AGAP1: variants seen among roughly 807,000 people sequenced by gnomAD.
AGAP1 encodes the protein ArfGAP with GTPase domain, ankyrin repeat and PH domain 1, also known as arf-GAP with GTPase, ANK repeat and PH domain-containing protein 1.
Under a neutral mutation model 105.3 loss-of-function variants are expected in AGAP1, and 29 were observed. That is an observed-to-expected ratio of 0.28 (90% CI 0.21 to 0.38). The LOEUF is 0.38. AGAP1 is among the 10% of genes least tolerant of loss of function. The pLI is 1.00. For missense variants in AGAP1, 998 were observed against 1,165.1 expected (o/e 0.86, Z 2.09); for synonymous variants, 509 against 485.9 (o/e 1.05, Z -0.63).
rs890460394 is a variant in AGAP1 at position 236,056,507 on chromosome 2, G to A, written c.2114+7226G>A. On this transcript the variant is annotated intron_variant, in intron 16 of 17. Coordinates refer to ENST00000304032, the MANE Select transcript of AGAP1 (RefSeq NM_001037131.3). The surrounding 1 kb of genome is among the most constrained non-coding windows in gnomAD (Gnocchi z 4.6). ...ACCACGTTCAAGCCTGTGTCTACTT[G>A]TGGGAGTGTATGAAGGAATGGAATG... 6.6e-6 allele frequency among the ~76,000 whole-genome samples: 1 copy of A among 152,222 alleles called. No individual in the cohort carries two copies. The highest frequency in any genetic ancestry group is 1.5e-5 in the Non-Finnish European group (1 of 68,042).
intron 10 of AGAP1, among the ~76,000 whole-genome samples, chr2:235,896,509 G>A (rs1445182513): frequency 1.3e-5 from 2 of 152,188 alleles, no homozygotes; most frequent in Non-Finnish European, 2.9e-5. Flanking sequence ...CCAGCACTCT[G>A]GTCATGGTAC....
In AGAP1 at chr2:235,557,274, C is replaced by T. The variant is rs796704975; in HGVS notation, c.163+62425C>T. ...GAGCTGGGCTGGCCATGGGGATGCT[C>T]AGAGCCCGGCTCTTTCATGGGATCA... On this transcript the variant is annotated intron_variant, in intron 1 of 17. Transcript: ENST00000304032. This position sits in a 1 kb window ranked among gnomAD's most constrained non-coding sequence, Gnocchi z 4.7. 5.3e-5 allele frequency among the ~76,000 whole-genome samples: 8 copies of T among 152,262 alleles called. No individual in the cohort carries two copies. The highest frequency in any genetic ancestry group is 1.3e-4 in the Admixed American group (2 of 15,292).
rs1485195963 is a variant in AGAP1 at position 235,739,915 on chromosome 2, GCTCTGGCAGCATTGTC to G, written c.311-1041_311-1026del. ...AGTGGAGCTGGCAGGCAGCCTCTGGGCTCTGGCAGCATTGTCCTCTGGGTCCAGCGATTTGGGGTTT... is the reference window on the plus strand; with the variant it reads ...AGTGGAGCTGGCAGGCAGCCTCTGGGCTCTGGGTCCAGCGATTTGGGGTTT... On this transcript the variant is annotated intron_variant, in intron 3 of 17. Transcript: ENST00000304032. The surrounding 1 kb of genome is among the most constrained non-coding windows in gnomAD (Gnocchi z 5.3). Among the ~76,000 whole-genome samples the G allele has an allele frequency of 6.6e-6, 1 of 152,234 alleles. No homozygotes were observed. Among genetic ancestry groups the G allele is most frequent in the Non-Finnish European group, 1.5e-5 (1 of 68,040 alleles).
At chr2:235,666,625 A>G (rs1948135633) in intron 1 of AGAP1, among the ~76,000 whole-genome samples, 2 of 151,300 alleles carry the variant, frequency 1.3e-5, no homozygotes, top group Admixed American at 6.6e-5. Flanking sequence ...AGTCAGTGTC[A>G]TCTAAGGTGG....
chr2:235,866,788 C>T lies in AGAP1; in HGVS notation c.1051-16557C>T, dbSNP rs2049190829. Among the ~76,000 whole-genome samples, 2 of 152,294 alleles carry T rather than the reference C, an allele frequency of 1.3e-5. No homozygotes were observed. Among genetic ancestry groups the T allele is most frequent in the South Asian group, 4.1e-4 (2 of 4,830 alleles). On this transcript the variant is annotated intron_variant, in intron 9 of 17. Transcript: ENST00000304032. This position sits in a 1 kb window ranked among gnomAD's most constrained non-coding sequence, Gnocchi z 6.1. ...TTGGCTTGCAGACAGCCATCTTCTC[C>T]CTGTGTCTTCACGTGGTCTTTCTCC...
chr2:235,589,793 A>C (rs927969006), intron 1 of AGAP1, among the ~76,000 whole-genome samples: 7 of 151,980 alleles, frequency 4.6e-5, no homozygotes, highest in African/African-American at 1.7e-4. Context: ...ACTCACTCTG[A>C]GTTGGGGTAG....
At position 236,014,770 on chromosome 2, in the gene AGAP1, T is replaced by G. The variant is rs1055032522; in HGVS notation, c.1646-21791T>G. On this transcript the variant is annotated intron_variant, in intron 13 of 17. Transcript: ENST00000304032. The surrounding 1 kb of genome is among the most constrained non-coding windows in gnomAD (Gnocchi z 6.3). ...TTCTTTTCCTTTTTGTTTTCTCTCT[T>G]TTTCCCCTCTCCCCTTTCTGCTCTC... 16 of 422,096 alleles carry G rather than the reference T, an allele frequency of 3.8e-5. No individual in the cohort carries two copies. The highest frequency in any genetic ancestry group is 7.6e-5 in the Non-Finnish European group (16 of 210,464). The allele number at this position is 422,096 out of a possible 1,614,324, so 26.1% of individuals were successfully genotyped here.
rs2059585073 is a variant in AGAP1, at chr2:236,109,297, C to A, written c.2115-10895C>A. Among the ~76,000 whole-genome samples the A allele has an allele frequency of 6.6e-6, 1 of 152,234 alleles. No homozygotes were observed. Among genetic ancestry groups the A allele is most frequent in the Non-Finnish European group, 1.5e-5 (1 of 68,044 alleles). ...CCTGACCCCGCCCTGCCGAGCACCT[C>A]ATTCCCGGGCAGCACTTCTGTTTTG... On this transcript the variant is annotated intron_variant, in intron 16 of 17. Coordinates refer to ENST00000304032, the MANE Select transcript of AGAP1 (RefSeq NM_001037131.3). The surrounding 1 kb of genome is among the most constrained non-coding windows in gnomAD (Gnocchi z 5.4).
chr2:236,032,753 C>G (rs776623613), intron 13 of AGAP1, among the ~76,000 whole-genome samples: 1 of 152,018 alleles, frequency 6.6e-6, no homozygotes, highest in Non-Finnish European at 1.5e-5. Flanking sequence ...ATGAAGTTTG[C>G]AAGAGAGTGA....
At chr2:235,912,964 T>C (rs1162548256) in intron 11 of AGAP1, among the ~76,000 whole-genome samples, 1 of 152,240 alleles carries the variant, frequency 6.6e-6, no homozygotes, top group African/African-American at 2.4e-5. Flanking sequence ...TTTGCCCATT[T>C]TTGCACTAGG....
chr2:235,746,376 A>ATTTTTTT (rs1559427651), intron 5 of AGAP1, among the ~76,000 whole-genome samples: 3 of 44,094 alleles, frequency 6.8e-5, no homozygotes, highest in African/African-American at 1.9e-4. Context: ...ACCTCCCCCA[A>ATTTTTTT]CTTTTTTTTT....
intron 1 of AGAP1, chr2:235,671,039 G>T: frequency 1.6e-6 from 2 of 1,289,756 alleles, no homozygotes; most frequent in Non-Finnish European, 2.0e-6. Flanking sequence ...CGAGAGCATC[G>T]ACGGCTCCCC....
chr2:235,794,991 T>G (rs1300302158), intron 6 of AGAP1, among the ~76,000 whole-genome samples: 2 of 152,208 alleles, frequency 1.3e-5, no homozygotes, highest in Non-Finnish European at 2.9e-5. Flanking sequence ...TGGGGTAATA[T>G]TCACATGTTA....
chr2:235,648,631 T>C (rs1267334754), intron 1 of AGAP1, among the ~76,000 whole-genome samples: 1 of 150,854 alleles, frequency 6.6e-6, no homozygotes, highest in Non-Finnish European at 1.5e-5. Context: ...CCCAGCACTT[T>C]GGGAAGCCGA....
intron 6 of AGAP1, among the ~76,000 whole-genome samples, chr2:235,764,062 C>T (rs570437232): frequency 1.3e-5 from 2 of 150,372 alleles, no homozygotes; most frequent in South Asian, 2.1e-4. Flanking sequence ...CCGTGTGTGG[C>T]GGTTGCCCAT....
chr2:235,941,043 AT>A (rs2053235836), intron 12 of AGAP1, among the ~76,000 whole-genome samples: 1 of 152,188 alleles, frequency 6.6e-6, no homozygotes, highest in South Asian at 2.1e-4. Flanking sequence ...AATCTTCTGA[AT>A]TTTTAAGTAT....
chr2:235,640,539 C>T (rs1169645448), intron 1 of AGAP1, among the ~76,000 whole-genome samples: 3 of 152,220 alleles, frequency 2.0e-5, no homozygotes, highest in Non-Finnish European at 4.4e-5. Flanking sequence ...CTAGGAGTTG[C>T]ATTTCCTGGT....
chr2:235,776,323 G>A (rs944510498), intron 6 of AGAP1, among the ~76,000 whole-genome samples: 4 of 152,068 alleles, frequency 2.6e-5, no homozygotes, highest in Non-Finnish European at 4.4e-5. Context: ...CTGCCCATTC[G>A]GAAGTCCAGG....
At chr2:235,670,438 C>A in intron 1 of AGAP1, 1 of 549,216 alleles carries the variant, frequency 1.8e-6, no homozygotes, top group South Asian at 2.0e-5. Flanking sequence ...CGTGCGCACG[C>A]GGCCTGGAAC....
Sources: gnomAD v4.1 joint callset for allele counts (sites outside exome capture counted in the v4.1 genomes callset) on GRCh38, gnomAD v4.1.1 for gene constraint, Gnocchi (gnomAD v3.1) non-coding constraint, MANE v1.5 for transcripts, NCBI Gene and HGNC (gene_info 2026-07-23, HGNC 2026-07-21) for gene names.